EXT1: variants seen among roughly 807,000 people sequenced by gnomAD.
EXT1 encodes the protein exostosin glycosyltransferase 1.
A neutral mutation model predicts 82.5 loss-of-function variants in EXT1; 20 were observed. That is an observed-to-expected ratio of 0.24 (90% CI 0.17 to 0.35). The LOEUF (loss-of-function observed/expected upper bound fraction) is 0.35, where lower values mean the gene tolerates loss of function less well. Ranked by LOEUF, EXT1 falls within the 10% of genes least tolerant of loss-of-function variation. The pLI is 1.00. For synonymous variants in EXT1, 348 were observed against 350.8 expected, an observed-to-expected ratio of 0.99 and a Z score of 0.09; for missense variants, 757 against 936.5, an observed-to-expected ratio of 0.81 and a Z score of 2.50.
intron 2 of EXT1, among the ~76,000 whole-genome samples, chr8:117,836,147 G>A (rs1050267562): frequency 2.0e-5 from 3 of 152,124 alleles, no homozygotes; most frequent in African/African-American, 2.4e-5. Context: ...GGTCTGTGCC[G>A]GGAAATAAAC....
At position 117,840,720 on chromosome 8, in the gene EXT1, G is replaced by T. The variant is rs185539308; in HGVS notation, c.963-3519C>A. 5.3e-5 allele frequency among the ~76,000 whole-genome samples: 8 copies of T among 151,680 alleles called. 1 individual carries two copies. Among genetic ancestry groups the T allele is most frequent in the Admixed American group, 4.6e-4 (7 of 15,234 alleles). On this transcript the variant is annotated intron_variant, in intron 1 of 10. Coordinates refer to ENST00000378204, the MANE Select transcript of EXT1 (RefSeq NM_000127.3). ...AACTCTTCTGACTCAACAATAAAAAGATAAATAATCAAACTTTAAAAGAGG... is the reference window on the plus strand; with the variant it reads ...AACTCTTCTGACTCAACAATAAAAATATAAATAATCAAACTTTAAAAGAGG...
chr8:117,997,244 A>AATATATATATATATATATATAT (rs1563624581), intron 1 of EXT1, among the ~76,000 whole-genome samples: 21 of 128,768 alleles, frequency 1.6e-4, no homozygotes, highest in African/African-American at 6.0e-4. Flanking sequence ...TAGTTGTCAT[A>AATATATATATATATATATATAT]CTATATATAT....
chr8:117,799,557 T>G lies in EXT1; in HGVS notation c.*155A>C. On this transcript the variant is annotated 3_prime_UTR_variant, in exon 11 of 11. Transcript: ENST00000378204. ...CAGTCCCAGGAGCCAGGAGTTGAGT[T>G]CTCATTGGCCTTTTTTTTTTTGTCA... 7 of 816,552 alleles carry G rather than the reference T, an allele frequency of 8.6e-6. No homozygotes were observed. Among genetic ancestry groups the G allele is most frequent in the Admixed American group, 2.5e-5 (1 of 40,422 alleles). The allele number at this position is 816,552 out of a possible 1,614,324, so 50.6% of individuals were successfully genotyped here. A position where few individuals can be genotyped will look rare whatever the true frequency, so the allele number is the denominator to read the frequency against.
At chr8:118,003,402 T>TA (rs55968975) in intron 1 of EXT1, among the ~76,000 whole-genome samples, 19,727 of 150,408 alleles carry the variant, frequency 0.13, 1,382 homozygotes, top group East Asian at 0.25. Flanking sequence ...CCTATTGAAA[T>TA]AAAAAAAAAT....
At chr8:118,094,354 C>T (rs1197883760) in intron 1 of EXT1, among the ~76,000 whole-genome samples, 1 of 152,208 alleles carries the variant, frequency 6.6e-6, no homozygotes, top group Non-Finnish European at 1.5e-5. Flanking sequence ...ACTTGCCAAA[C>T]CACCAGGAGC....
chr8:117,966,947 T>C (rs1814823845), intron 1 of EXT1, among the ~76,000 whole-genome samples: 1 of 152,230 alleles, frequency 6.6e-6, no homozygotes, highest in Admixed American at 6.5e-5. Context: ...TTCTATTTCA[T>C]GCATAATTAC....
At chr8:117,936,799 C>T (rs12674808) in intron 1 of EXT1, among the ~76,000 whole-genome samples, 21 of 152,250 alleles carry the variant, frequency 1.4e-4, no homozygotes, top group Admixed American at 7.8e-4. Flanking sequence ...CACTTGAAAC[C>T]GGGAGGTGGA....
chr8:117,950,324 A>G (rs1042280120), intron 1 of EXT1, among the ~76,000 whole-genome samples: 3 of 152,232 alleles, frequency 2.0e-5, no homozygotes, highest in African/African-American at 7.2e-5. Context: ...ACATCTTTGG[A>G]AAGGCCACAG....
chr8:117,828,046 T>G (rs916828244), intron 4 of EXT1, among the ~76,000 whole-genome samples: 1 of 151,916 alleles, frequency 6.6e-6, no homozygotes, highest in South Asian at 2.1e-4. Flanking sequence ...AGAAAAAATG[T>G]AATAACATGA....
chr8:117,861,233 G>A (rs918266115), intron 1 of EXT1, among the ~76,000 whole-genome samples: 2 of 152,190 alleles, frequency 1.3e-5, no homozygotes, highest in African/African-American at 4.8e-5. Flanking sequence ...GCCCCACTGA[G>A]CATCCTTTGC....
At position 118,090,687 on chromosome 8, in the gene EXT1, G is replaced by A. The variant is rs187682176; in HGVS notation, c.962+19398C>T. Reference sequence around the variant, plus strand: ...CCAGCTACTCGGGAAGCTGATGCAGGAGAATTGCTTGAGCCTGGGAGACAG... The same window carrying A: ...CCAGCTACTCGGGAAGCTGATGCAGAAGAATTGCTTGAGCCTGGGAGACAG... On this transcript the variant is annotated intron_variant, in intron 1 of 10. Coordinates refer to ENST00000378204, the MANE Select transcript of EXT1 (RefSeq NM_000127.3). 5.0e-3 allele frequency among the ~76,000 whole-genome samples: 729 copies of A among 145,330 alleles called. 5 individuals are homozygous for A. The highest frequency in any genetic ancestry group is 0.018 in the African/African-American group (699 of 39,420).
At chr8:117,981,651 CTT>C (rs201556472) in intron 1 of EXT1, among the ~76,000 whole-genome samples, 2,924 of 152,008 alleles carry the variant, frequency 0.019, 37 homozygotes, top group Middle Eastern at 0.031. Flanking sequence ...AGGCAGATCA[CTT>C]GAGGTCAGGA....
At chr8:117,918,690 A>G (rs6469718) in intron 1 of EXT1, among the ~76,000 whole-genome samples, 99,601 of 152,044 alleles carry the variant, frequency 0.66, 33,259 homozygotes, top group Middle Eastern at 0.83. Context: ...GAGAGGCTGC[A>G]TGGAGGCGAA....
At chr8:118,109,229 G>A (rs1817847144) in intron 1 of EXT1, among the ~76,000 whole-genome samples, 1 of 148,258 alleles carries the variant, frequency 6.7e-6, no homozygotes, top group Admixed American at 6.6e-5. Context: ...CACTACAGAG[G>A]GTAAGGAGGC....
At chr8:117,850,062 CCAAT>C (rs1263918622) in intron 1 of EXT1, among the ~76,000 whole-genome samples, 1 of 152,176 alleles carries the variant, frequency 6.6e-6, no homozygotes, top group Non-Finnish European at 1.5e-5. Flanking sequence ...CAGCTATTAA[CCAAT>C]CAGTCTGTTT....
chr8:117,970,459 T>C (rs17431055), intron 1 of EXT1, among the ~76,000 whole-genome samples: 1 of 152,124 alleles, frequency 6.6e-6, no homozygotes, highest in African/African-American at 2.4e-5. Context: ...TGTACCACCA[T>C]GCCTGGCTAA....
intron 1 of EXT1, among the ~76,000 whole-genome samples, chr8:117,964,081 T>C (rs766778519): frequency 1.5e-4 from 23 of 152,326 alleles, no homozygotes; most frequent in Admixed American, 2.6e-4. Flanking sequence ...CCAAAGAAAC[T>C]GCTTTGGGGA....
chr8:117,810,846 C>T (rs996506754), intron 8 of EXT1, among the ~76,000 whole-genome samples: 3 of 152,150 alleles, frequency 2.0e-5, no homozygotes, highest in African/African-American at 2.4e-5. Context: ...GCAGGAAAAT[C>T]GAGGCAGGAT....
At chr8:117,831,472 C>T (rs1452586685) in intron 3 of EXT1, 1 of 411,988 alleles carries the variant, frequency 2.4e-6, no homozygotes, top group Non-Finnish European at 5.0e-6. Flanking sequence ...AATGTACTTC[C>T]TGAGTCTGGT....
Sources: gnomAD v4.1 joint callset for allele counts (sites outside exome capture counted in the v4.1 genomes callset) on GRCh38, gnomAD v4.1.1 for gene constraint, MANE v1.5 for transcripts, NCBI Gene and HGNC (gene_info 2026-07-23, HGNC 2026-07-21) for gene names.